Variants in ZFAND6 observed in about 807,000 individuals in gnomAD.
The protein encoded by ZFAND6 is AN1-type zinc finger protein 6.
A neutral mutation model predicts 24.5 loss-of-function variants in ZFAND6; 12 were observed. The observed-to-expected ratio is 0.49, with a 90% CI of 0.31 to 0.79. The LOEUF is 0.79. Ranked by LOEUF, ZFAND6 falls within the 30% of genes least tolerant of loss-of-function variation. The probability of loss-of-function intolerance (pLI) is 0.04; values close to 1 mark genes in which losing one functional copy is unlikely to be tolerated. For synonymous variants in ZFAND6, 92 were observed against 81.5 expected, an observed-to-expected ratio of 1.13 and a Z score of -0.69; for missense variants, 207 against 245.9, an observed-to-expected ratio of 0.84 and a Z score of 1.06.
At chr15:80,107,121 A>G (rs899258496) in intron 2 of ZFAND6, among the ~76,000 whole-genome samples, 1 of 152,198 alleles carries the variant, frequency 6.6e-6, no homozygotes, top group African/African-American at 2.4e-5. Flanking sequence ...AGGCTGAGGT[A>G]GGAGAATCAC....
At chr15:80,106,067 CTG>C (rs1439317232) in intron 2 of ZFAND6, among the ~76,000 whole-genome samples, 3 of 152,184 alleles carry the variant, frequency 2.0e-5, no homozygotes, top group Non-Finnish European at 2.9e-5. Context: ...GAGAGCAGAA[CTG>C]TGTGTCCTAA....
chr15:80,136,800 T>C (rs2040886154), intron 6 of ZFAND6, among the ~76,000 whole-genome samples: 1 of 152,260 alleles, frequency 6.6e-6, no homozygotes, highest in South Asian at 2.1e-4. Flanking sequence ...TGGTTTTAAC[T>C]CCAGGCATTT....
intron 6 of ZFAND6, among the ~76,000 whole-genome samples, chr15:80,135,331 A>AT (rs1260769391): frequency 1.3e-5 from 2 of 152,232 alleles, no homozygotes; most frequent in Non-Finnish European, 2.9e-5. Flanking sequence ...TTAATAAGCT[A>AT]TTAATAGCTC....
chr15:80,084,055 T>A (rs146739790), intron 1 of ZFAND6, among the ~76,000 whole-genome samples: 16 of 152,282 alleles, frequency 1.1e-4, no homozygotes, highest in African/African-American at 3.8e-4. Flanking sequence ...GGTTCAAGAT[T>A]GTGCAGCTAA....
intron 5 of ZFAND6, among the ~76,000 whole-genome samples, chr15:80,123,717 A>C (rs1249200405): frequency 6.6e-6 from 1 of 152,298 alleles, no homozygotes; most frequent in East Asian, 1.9e-4. Flanking sequence ...AGCCTGGACA[A>C]CAAAAAATTA....
chr15:80,137,823 T>C lies in ZFAND6; in HGVS notation c.*195T>C. 1 of 498,768 alleles carries C rather than the reference T, an allele frequency of 2.0e-6. No homozygotes were observed. The highest frequency in any genetic ancestry group is 3.3e-6 in the Non-Finnish European group (1 of 301,724). The allele number at this position is 498,768 out of a possible 1,614,324, so 30.9% of individuals were successfully genotyped here. A position where few individuals can be genotyped will look rare whatever the true frequency, so the allele number is the denominator to read the frequency against. On this transcript the variant is annotated 3_prime_UTR_variant, in exon 7 of 7. Transcript: ENST00000261749. ...TGCAATTTCTGTGGCTGAGGAGACT[T>C]AAACTTTACAAGTATTATCCTTTTA...
intron 1 of ZFAND6, among the ~76,000 whole-genome samples, chr15:80,063,558 A>T (rs1044783586): frequency 2.1e-5 from 3 of 139,622 alleles, no homozygotes; most frequent in Non-Finnish European, 1.6e-5. Flanking sequence ...CGCCCAGCTA[A>T]TTTTTTTTTT....
At chr15:80,083,078 G>A (rs1256670649) in intron 1 of ZFAND6, among the ~76,000 whole-genome samples, 1 of 152,060 alleles carries the variant, frequency 6.6e-6, no homozygotes, top group Non-Finnish European at 1.5e-5. Context: ...TGCAAGCTCC[G>A]CCTCCTGGGT....
At chr15:80,086,239 T>C (rs1225201686) in intron 1 of ZFAND6, among the ~76,000 whole-genome samples, 1 of 152,070 alleles carries the variant, frequency 6.6e-6, no homozygotes, top group Non-Finnish European at 1.5e-5. Context: ...GATTTCTCCA[T>C]GTTGGTCAGG....
chr15:80,083,594 C>T (rs940625548), intron 1 of ZFAND6, among the ~76,000 whole-genome samples: 1 of 152,090 alleles, frequency 6.6e-6, no homozygotes, highest in Non-Finnish European at 1.5e-5. Flanking sequence ...TAGAGAAAAG[C>T]GTGTTCATGG....
chr15:80,067,179 A>T (rs1197007785), intron 1 of ZFAND6, among the ~76,000 whole-genome samples: 4 of 152,162 alleles, frequency 2.6e-5, no homozygotes, highest in Non-Finnish European at 5.9e-5. Context: ...CTTGTTTGGG[A>T]GACTTTTATT....
chr15:80,083,319 C>T (rs780414151), intron 1 of ZFAND6, among the ~76,000 whole-genome samples: 5 of 152,084 alleles, frequency 3.3e-5, no homozygotes, highest in African/African-American at 1.2e-4. Context: ...AACCTCCCAG[C>T]CCTGTGAATT....
intron 1 of ZFAND6, among the ~76,000 whole-genome samples, chr15:80,091,690 A>G (rs1237900583): frequency 6.6e-6 from 1 of 152,054 alleles, no homozygotes; most frequent in African/African-American, 2.4e-5. Context: ...CCCCAGCTGG[A>G]GTGCAGACGC....
chr15:80,103,337 A>G (rs964172994), intron 2 of ZFAND6, among the ~76,000 whole-genome samples: 1 of 152,216 alleles, frequency 6.6e-6, no homozygotes, highest in East Asian at 1.9e-4. Flanking sequence ...TTACTCTAAT[A>G]CATACCTAAT....
intron 1 of ZFAND6, among the ~76,000 whole-genome samples, chr15:80,073,533 G>C (rs1210697973): frequency 6.6e-6 from 1 of 151,844 alleles, no homozygotes; most frequent in African/African-American, 2.4e-5. Context: ...AGCATTTTCA[G>C]CCATTGTATT....
intron 1 of ZFAND6, among the ~76,000 whole-genome samples, chr15:80,094,155 A>G (rs990173296): frequency 1.3e-5 from 2 of 152,212 alleles, no homozygotes; most frequent in Non-Finnish European, 2.9e-5. Context: ...TTTATTTTGC[A>G]ATAATTCAAA....
chr15:80,091,530 A>C (rs190945934), intron 1 of ZFAND6, among the ~76,000 whole-genome samples: 3 of 152,350 alleles, frequency 2.0e-5, no homozygotes, highest in Admixed American at 2.0e-4. Flanking sequence ...AAAGTGAACT[A>C]TTTTAGAGAA....
chr15:80,089,354 G>A (rs1036131853), intron 1 of ZFAND6, among the ~76,000 whole-genome samples: 1 of 145,774 alleles, frequency 6.9e-6, no homozygotes, highest in Non-Finnish European at 1.5e-5. Flanking sequence ...CACCTCCCTG[G>A]TTCAAGCAAT....
chr15:80,129,340 T>A (rs1361835053), intron 5 of ZFAND6, among the ~76,000 whole-genome samples: 1 of 152,246 alleles, frequency 6.6e-6, no homozygotes, highest in Non-Finnish European at 1.5e-5. Flanking sequence ...ATAGAGTTTG[T>A]CATTAGCACA....
Sources: gnomAD v4.1 joint callset for allele counts (sites outside exome capture counted in the v4.1 genomes callset) on GRCh38, gnomAD v4.1.1 for gene constraint, MANE v1.5 for transcripts, NCBI Gene and HGNC (gene_info 2026-07-23, HGNC 2026-07-21) for gene names.